ETV1: variants seen among roughly 807,000 people sequenced by gnomAD.
ETV1 encodes the protein ETS translocation variant 1.
ETV1 carries 27 observed loss-of-function variants against 62.3 expected under a neutral mutation model. The observed-to-expected ratio is 0.43, with a 90% CI of 0.32 to 0.60. The LOEUF is 0.60. ETV1 is among the 20% of genes least tolerant of loss of function. ETV1 has a pLI of 0.06. For missense variants in ETV1, 605 were observed against 605.8 expected (o/e 1.00, Z 0.01); for synonymous variants, 222 against 199.6 (o/e 1.11, Z -0.94).
chr7:13,899,678 G>C (rs933321860), intron 13 of ETV1, among the ~76,000 whole-genome samples: 1 of 152,268 alleles, frequency 6.6e-6, no homozygotes, highest in Non-Finnish European at 1.5e-5. Context: ...TTGGTTCACA[G>C]TCAAAGCAAT....
At chr7:13,957,362 A>G (rs1053119874) in intron 6 of ETV1, among the ~76,000 whole-genome samples, 6 of 152,226 alleles carry the variant, frequency 3.9e-5, no homozygotes, top group Non-Finnish European at 7.3e-5. Flanking sequence ...CTGGGATTAC[A>G]GGCCTAAGGC....
In ETV1 at chr7:13,892,048, G is replaced by C. The variant is rs1477891510; in HGVS notation, c.*3818C>G. 4.3e-6 allele frequency: 1 copy of C among 231,588 alleles called. No homozygotes were observed. The highest frequency in any genetic ancestry group is 8.5e-6 in the Non-Finnish European group (1 of 117,322). 14.3% of individuals were successfully genotyped at this position (231,588 alleles called of 1,614,324 possible). On this transcript the variant is annotated 3_prime_UTR_variant, in exon 14 of 14. Transcript: ENST00000430479. ...GCTTCTGGCAATATATTTCTTTCCT[G>C]GTTATATAAAGATAAGTTGACTCAT...
intron 6 of ETV1, among the ~76,000 whole-genome samples, chr7:13,953,530 C>T (rs1305116186): frequency 6.6e-6 from 1 of 152,138 alleles, no homozygotes; most frequent in African/African-American, 2.4e-5. Context: ...AAGATCCCAG[C>T]ACTTCCGGGT....
At chr7:13,899,373 C>T (rs890625764) in intron 13 of ETV1, among the ~76,000 whole-genome samples, 2 of 152,118 alleles carry the variant, frequency 1.3e-5, no homozygotes, top group African/African-American at 2.4e-5. Flanking sequence ...AACTGAAAAT[C>T]GAAGTCAGCC....
At chr7:13,952,558 G>T (rs1788951819) in intron 6 of ETV1, among the ~76,000 whole-genome samples, 1 of 152,070 alleles carries the variant, frequency 6.6e-6, no homozygotes, top group Non-Finnish European at 1.5e-5. Flanking sequence ...AGAAGGGAGG[G>T]AGGGTACATA....
intron 9 of ETV1, among the ~76,000 whole-genome samples, chr7:13,924,617 G>A (rs377334391): frequency 2.6e-5 from 4 of 152,188 alleles, no homozygotes; most frequent in East Asian, 3.9e-4. Flanking sequence ...AAGATCCTTC[G>A]AAAACCATAC....
At chr7:13,924,336 C>G (rs2128440614) in intron 9 of ETV1, among the ~76,000 whole-genome samples, 1 of 152,232 alleles carries the variant, frequency 6.6e-6, no homozygotes, top group East Asian at 1.9e-4. Context: ...ACTTTTTCTT[C>G]TCATTATTTT....
At chr7:13,912,130 G>A (rs1783627858) in intron 9 of ETV1, among the ~76,000 whole-genome samples, 1 of 152,132 alleles carries the variant, frequency 6.6e-6, no homozygotes, top group African/African-American at 2.4e-5. Flanking sequence ...CACCTGGATT[G>A]CGGCTATAAA....
chr7:13,922,390 C>T (rs73068180), intron 9 of ETV1, among the ~76,000 whole-genome samples: 7,650 of 152,188 alleles, frequency 0.05, 228 homozygotes, highest in African/African-American at 0.087. Flanking sequence ...AGCAATAATA[C>T]AATTTTTAAA....
intron 4 of ETV1, 140 bp from the exon 5 acceptor site, chr7:13,986,825 G>C: frequency 1.5e-6 from 1 of 674,514 alleles, no homozygotes; most frequent in Non-Finnish European, 2.5e-6. Context: ...AAAAAAAGAG[G>C]CATAACTTAA....
intron 6 of ETV1, among the ~76,000 whole-genome samples, chr7:13,946,623 A>T (rs76456670): frequency 6.6e-6 from 1 of 152,184 alleles, no homozygotes; most frequent in African/African-American, 2.4e-5. Flanking sequence ...TGTCATTATT[A>T]TTCTACCAGA....
chr7:13,944,944 G>C (rs139425980), intron 6 of ETV1, among the ~76,000 whole-genome samples: 1,558 of 152,212 alleles, frequency 0.01, 30 homozygotes, highest in African/African-American at 0.035. Context: ...TACCAGCCAA[G>C]GAATGCCAGA....
At chr7:13,957,221 G>T (rs1439614133) in intron 6 of ETV1, among the ~76,000 whole-genome samples, 1 of 152,034 alleles carries the variant, frequency 6.6e-6, no homozygotes, top group African/African-American at 2.4e-5. Flanking sequence ...AAGTAGCTGG[G>T]ACTACAGGCG....
At chr7:13,967,980 T>C (rs904449960) in intron 6 of ETV1, among the ~76,000 whole-genome samples, 3 of 152,200 alleles carry the variant, frequency 2.0e-5, no homozygotes, top group Non-Finnish European at 2.9e-5. Context: ...AAGTATAATA[T>C]TTGGTTCTGC....
At chr7:13,942,164 C>T (rs909051495) in intron 6 of ETV1, among the ~76,000 whole-genome samples, 25 of 151,532 alleles carry the variant, frequency 1.6e-4, no homozygotes, top group African/African-American at 6.1e-4. Context: ...GCTGGGACTA[C>T]AGGCGCCCGC....
chr7:13,929,791 A>C (rs558125860), intron 9 of ETV1, among the ~76,000 whole-genome samples: 1 of 152,318 alleles, frequency 6.6e-6, no homozygotes, highest in East Asian at 1.9e-4. Context: ...AAGTTGAGGC[A>C]TGCCTCAACG....
chr7:13,944,191 C>T (rs563703195), intron 6 of ETV1, among the ~76,000 whole-genome samples: 1 of 152,270 alleles, frequency 6.6e-6, no homozygotes, highest in Non-Finnish European at 1.5e-5. Flanking sequence ...CCGAAGTGAC[C>T]TTAGAAGAAA....
intron 6 of ETV1, among the ~76,000 whole-genome samples, chr7:13,968,263 GA>G (rs1473964852): frequency 1.3e-5 from 2 of 151,754 alleles, no homozygotes; most frequent in Non-Finnish European, 2.9e-5. Context: ...AATTAAAGAA[GA>G]AAAATAGGAA....
chr7:13,979,444 AT>A (rs878877667), intron 5 of ETV1, among the ~76,000 whole-genome samples: 3 of 151,356 alleles, frequency 2.0e-5, no homozygotes, highest in African/African-American at 7.3e-5. Context: ...AACACAACAT[AT>A]TTTTTTGACA....
Sources: gnomAD v4.1 joint callset for allele counts (sites outside exome capture counted in the v4.1 genomes callset) on GRCh38, gnomAD v4.1.1 for gene constraint, MANE v1.5 for transcripts, NCBI Gene and HGNC (gene_info 2026-07-23, HGNC 2026-07-21) for gene names.